Variants in STX11 observed in about 807,000 individuals in gnomAD.
The protein encoded by STX11 is syntaxin 11.
STX11 carries 21 observed loss-of-function variants against 19.9 expected under a neutral mutation model. The ratio of observed to expected loss-of-function variants is 1.06; its 90% CI spans 0.75 to 1.52. STX11 has a LOEUF of 1.52. Among genes scored for constraint, STX11 ranks in the 40% most tolerant of loss-of-function variants. The pLI is 0.00. For missense variants in STX11, 438 were observed against 405.9 expected, an observed-to-expected ratio of 1.08 and a Z score of -0.68; for synonymous variants, 193 against 174.4, an observed-to-expected ratio of 1.11 and a Z score of -0.84.
intron 1 of STX11, among the ~76,000 whole-genome samples, chr6:144,186,325 T>TATAAATAA (rs10553202): frequency 2.7e-5 from 4 of 148,276 alleles, no homozygotes; most frequent in East Asian, 2.0e-4. Context: ...ATAAAATATA[T>TATAAATAA]ATAAATAAAT....
At chr6:144,181,129 T>G (rs1584052153) in intron 1 of STX11, among the ~76,000 whole-genome samples, 1 of 152,318 alleles carries the variant, frequency 6.6e-6, no homozygotes. Context: ...TTATTTAGCC[T>G]CCATACCAGG....
Position 144,151,884 on chromosome 6 carries a change from C to T in STX11, c.-6+1181C>T, listed in dbSNP as rs765395908. 3.2e-4 allele frequency among the ~76,000 whole-genome samples: 48 copies of T among 152,248 alleles called. No individual in the cohort carries two copies. The highest frequency in any genetic ancestry group is 4.6e-4 in the Non-Finnish European group (31 of 68,002). On this transcript the variant is annotated intron_variant, in intron 1 of 1. Transcript: ENST00000367568. The surrounding 1 kb of genome is among the most constrained non-coding windows in gnomAD (Gnocchi z 4.6). ...AAGTTGAAGCTGACAAGTCCTATTG[C>T]GGTGGGTAACAGCCCTTAGGAAGGG...
At chr6:144,168,634 C>T (rs572802808) in intron 1 of STX11, among the ~76,000 whole-genome samples, 7 of 152,294 alleles carry the variant, frequency 4.6e-5, no homozygotes, top group Admixed American at 3.9e-4. Flanking sequence ...AAAGTCACCA[C>T]GTTGTTCATC....
rs148950710 is a variant in STX11 at position 144,172,171 on chromosome 6, C to T, written c.-5-14452C>T. On this transcript the variant is annotated intron_variant, in intron 1 of 1. Transcript: ENST00000367568. The surrounding 1 kb of genome is among the most constrained non-coding windows in gnomAD (Gnocchi z 4.2). ...AGCTTTGTCAGTATAACAAGCCACC[C>T]CCAAATAACAATTTTCTATTTCTCA... Among the ~76,000 whole-genome samples the T allele has an allele frequency of 6.6e-6, 1 of 152,240 alleles. No homozygotes were observed. Among genetic ancestry groups the T allele is most frequent in the African/African-American group, 2.4e-5 (1 of 41,534 alleles).
At position 144,166,389 on chromosome 6, in the gene STX11, T is replaced by C. The variant is rs190073090; in HGVS notation, c.-6+15686T>C. On this transcript the variant is annotated intron_variant, in intron 1 of 1. Coordinates refer to ENST00000367568, the MANE Select transcript of STX11 (RefSeq NM_003764.4). ...CAAGATTTTCACAATCTCTGGGACG[T>C]GTGGAATTGGGGTAACCACCTTGAG... Among the ~76,000 whole-genome samples, 227 of 152,306 alleles carry C rather than the reference T, an allele frequency of 1.5e-3. 1 individual carries two copies. Among genetic ancestry groups the C allele is most frequent in the African/African-American group, 5.2e-3 (218 of 41,576 alleles).
chr6:144,185,765 G>A (rs1690926340), intron 1 of STX11, among the ~76,000 whole-genome samples: 1 of 152,228 alleles, frequency 6.6e-6, no homozygotes, highest in Non-Finnish European at 1.5e-5. Flanking sequence ...ATGATATTGA[G>A]AAGAGGAGTA....
In STX11 at chr6:144,176,247, G is replaced by A. The variant is rs116639579; in HGVS notation, c.-5-10376G>A. 4.7e-3 allele frequency among the ~76,000 whole-genome samples: 720 copies of A among 152,220 alleles called. 2 individuals carry two copies. The highest frequency in any genetic ancestry group is 0.017 in the African/African-American group (690 of 41,534). ...GCCTCCCACCCTAACTCCCCCAACA[G>A]CTTCAGTGCATGATTAAGTGGAAAG... On this transcript the variant is annotated intron_variant, in intron 1 of 1. Transcript: ENST00000367568. The surrounding 1 kb of genome is among the most constrained non-coding windows in gnomAD (Gnocchi z 4.1).
At position 144,165,310 on chromosome 6, in the gene STX11, C is replaced by T. The variant is rs77804386; in HGVS notation, c.-6+14607C>T. 0.022 allele frequency among the ~76,000 whole-genome samples: 3,411 copies of T among 152,014 alleles called. 140 individuals are homozygous for T. The highest frequency in any genetic ancestry group is 0.078 in the African/African-American group (3,220 of 41,458). Reference sequence around the variant, plus strand: ...TCTCTACTAAAAAATACAAAATTAGCGGGGCGTGGTGGTGCATGTCTGTAA... The same window carrying T: ...TCTCTACTAAAAAATACAAAATTAGTGGGGCGTGGTGGTGCATGTCTGTAA... On this transcript the variant is annotated intron_variant, in intron 1 of 1. Transcript: ENST00000367568. The surrounding 1 kb of genome is among the most constrained non-coding windows in gnomAD (Gnocchi z 5.8).
At position 144,182,043 on chromosome 6, in the gene STX11, A is replaced by G. The variant is rs1377231423; in HGVS notation, c.-5-4580A>G. Among the ~76,000 whole-genome samples the G allele has an allele frequency of 6.6e-6, 1 of 152,208 alleles. No homozygotes were observed. The highest frequency in any genetic ancestry group is 2.4e-5 in the African/African-American group (1 of 41,460). ...GCAACTTGATGAATGCAATTTACCA[A>G]AGTTTATTACATTATCTTTTATTAC... is the stretch of plus-strand genomic sequence containing the variant. On this transcript the variant is annotated intron_variant, in intron 1 of 1. Coordinates refer to ENST00000367568, the MANE Select transcript of STX11 (RefSeq NM_003764.4). This position sits in a 1 kb window ranked among gnomAD's most constrained non-coding sequence, Gnocchi z 4.8.
rs1802193886 is a variant in STX11 at position 144,190,796 on chromosome 6, G to A, written c.*3305G>A. Among the ~76,000 whole-genome samples the A allele has an allele frequency of 6.6e-6, 1 of 152,150 alleles. No individual in the cohort carries two copies. On this transcript the variant is annotated 3_prime_UTR_variant, in exon 2 of 2. Transcript: ENST00000367568. ...GAAGGAGTTGTAGGAAGTTGTAGAG[G>A]CTGGGTCACTGACCTAAGAGAAGGC...
In STX11 at chr6:144,183,885, C is replaced by T. The variant is rs1801966625; in HGVS notation, c.-5-2738C>T. 6.6e-6 allele frequency among the ~76,000 whole-genome samples: 1 copy of T among 152,156 alleles called. No homozygotes were observed. The highest frequency in any genetic ancestry group is 2.4e-5 in the African/African-American group (1 of 41,422). ...CTTTTCCCTAATGCTCTCCCCTCCC[C>T]CGCACTTCCCCGACAGGCCCCACTG... On this transcript the variant is annotated intron_variant, in intron 1 of 1. Coordinates refer to ENST00000367568, the MANE Select transcript of STX11 (RefSeq NM_003764.4). The surrounding 1 kb of genome is among the most constrained non-coding windows in gnomAD (Gnocchi z 4.6).
At position 144,162,958 on chromosome 6, in the gene STX11, T is replaced by C. The variant is rs868009448; in HGVS notation, c.-6+12255T>C. Among the ~76,000 whole-genome samples the C allele has an allele frequency of 1.3e-5, 2 of 152,232 alleles. No homozygotes were observed. The highest frequency in any genetic ancestry group is 6.5e-5 in the Admixed American group (1 of 15,286). On this transcript the variant is annotated intron_variant, in intron 1 of 1. Transcript: ENST00000367568. This position sits in a 1 kb window ranked among gnomAD's most constrained non-coding sequence, Gnocchi z 4.6. ...ATACCTTTTGAGGTTCATTGTCTTA[T>C]TCTAGTTTGCTCAGTGCTAGGAGTC...
At position 144,182,003 on chromosome 6, in the gene STX11, C is replaced by T. The variant is rs1015383351; in HGVS notation, c.-5-4620C>T. Among the ~76,000 whole-genome samples the T allele has an allele frequency of 1.3e-5, 2 of 152,170 alleles. No individual in the cohort carries two copies. The highest frequency in any genetic ancestry group is 4.8e-5 in the African/African-American group (2 of 41,442). On this transcript the variant is annotated intron_variant, in intron 1 of 1. Transcript: ENST00000367568. This position sits in a 1 kb window ranked among gnomAD's most constrained non-coding sequence, Gnocchi z 4.8. ...TTCTTCACCTCCATGCAAATTGAAGCAGGACTTATTTTTAGCAACTTGATG... is the reference window on the plus strand; with the variant it reads ...TTCTTCACCTCCATGCAAATTGAAGTAGGACTTATTTTTAGCAACTTGATG...
In STX11 at chr6:144,174,037, A is replaced by G. The variant is rs1465018422; in HGVS notation, c.-5-12586A>G. On this transcript the variant is annotated intron_variant, in intron 1 of 1. Transcript: ENST00000367568. The surrounding 1 kb of genome is among the most constrained non-coding windows in gnomAD (Gnocchi z 5.3). ...TTCTCACTATCCTGTTGATTGGCTG[A>G]GCAGTCTTCTGTTGGGCTCTCCGCG... is the stretch of plus-strand genomic sequence containing the variant. Among the ~76,000 whole-genome samples, 1 of 152,198 alleles carries G rather than the reference A, an allele frequency of 6.6e-6. No individual in the cohort carries two copies. The highest frequency in any genetic ancestry group is 1.5e-5 in the Non-Finnish European group (1 of 68,038).
At position 144,170,503 on chromosome 6, in the gene STX11, G is replaced by A. The variant is rs73778554; in HGVS notation, c.-5-16120G>A. Reference sequence around the variant, plus strand: ...GACTTGTCACAGGAGGTCAAGTGTGGAATAGTCCCCTTGTGGCCAATGCTC... The same window carrying A: ...GACTTGTCACAGGAGGTCAAGTGTGAAATAGTCCCCTTGTGGCCAATGCTC... On this transcript the variant is annotated intron_variant, in intron 1 of 1. Transcript: ENST00000367568. The surrounding 1 kb of genome is among the most constrained non-coding windows in gnomAD (Gnocchi z 4.7). 6.6e-6 allele frequency among the ~76,000 whole-genome samples: 1 copy of A among 152,146 alleles called. No homozygotes were observed. The highest frequency in any genetic ancestry group is 2.1e-4 in the South Asian group (1 of 4,818).
chr6:144,163,120 T>G (rs535538770), intron 1 of STX11, among the ~76,000 whole-genome samples: 3 of 152,370 alleles, frequency 2.0e-5, no homozygotes, highest in South Asian at 4.1e-4. Flanking sequence ...TCCCACGATC[T>G]TCATAGTTCC....
intron 1 of STX11, among the ~76,000 whole-genome samples, chr6:144,156,018 C>G (rs1378595223): frequency 2.3e-5 from 3 of 129,246 alleles, no homozygotes; most frequent in Non-Finnish European, 4.6e-5. Context: ...TTCTTTCTCT[C>G]TTTCTCTCCT....
chr6:144,174,466 T>G lies in STX11; in HGVS notation c.-5-12157T>G, dbSNP rs1339434930. On this transcript the variant is annotated intron_variant, in intron 1 of 1. Transcript: ENST00000367568. This position sits in a 1 kb window ranked among gnomAD's most constrained non-coding sequence, Gnocchi z 5.3. Reference sequence around the variant, plus strand: ...CTTACTGCAACCTCTGCATCCCAGGTTCAAGCGATCTTCCAGCCTTAGCCT... The same window carrying G: ...CTTACTGCAACCTCTGCATCCCAGGGTCAAGCGATCTTCCAGCCTTAGCCT... Among the ~76,000 whole-genome samples, 1 of 152,042 alleles carries G rather than the reference T, an allele frequency of 6.6e-6. No homozygotes were observed. Among genetic ancestry groups the G allele is most frequent in the Non-Finnish European group, 1.5e-5 (1 of 68,006 alleles).
chr6:144,142,986 T>A, the STX11 span, among the ~76,000 whole-genome samples: 1,488 of 152,266 alleles, frequency 9.8e-3, 80 homozygotes, highest in East Asian at 0.16. Context: ...CCTTACACAT[T>A]CTATGCATGC....
Sources: allele counts gnomAD v4.1 joint callset (sites outside exome capture counted in the v4.1 genomes callset), GRCh38; gene constraint gnomAD v4.1.1; non-coding constraint Gnocchi (gnomAD v3.1); transcripts MANE v1.5; gene names NCBI Gene and HGNC (gene_info 2026-07-23, HGNC 2026-07-21).